The following SLCO5A1 variants were observed in gnomAD, a reference collection of about 807,000 sequenced individuals.
SLCO5A1 encodes the protein solute carrier organic anion transporter family member 5A1, also known as organic anion transporter polypeptide-related protein 4.
SLCO5A1 carries 39 observed loss-of-function variants against 65.1 expected under a neutral mutation model. The ratio of observed to expected loss-of-function variants is 0.60; its 90% confidence interval spans 0.46 to 0.78. SLCO5A1 has a LOEUF of 0.78. Among genes scored for constraint, SLCO5A1 ranks in the 30% least tolerant of loss-of-function variants. The pLI is 0.00. For synonymous variants in SLCO5A1, 438 were observed against 415.7 expected (o/e 1.05, Z -0.65); for missense variants, 1,029 against 1,069.4 (o/e 0.96, Z 0.53).
intron 2 of SLCO5A1, among the ~76,000 whole-genome samples, chr8:69,806,010 T>TA (rs1340703410): frequency 6.6e-6 from 1 of 152,220 alleles, no homozygotes; most frequent in Non-Finnish European, 1.5e-5. Context: ...TGGATGCTTT[T>TA]AAAAAATGCA....
At chr8:69,768,997 A>G (rs1296718099) in intron 2 of SLCO5A1, among the ~76,000 whole-genome samples, 1 of 152,116 alleles carries the variant, frequency 6.6e-6, no homozygotes, top group Admixed American at 6.5e-5. Flanking sequence ...CAGTCGGCAC[A>G]CTGACATCTT....
chr8:69,712,609 T>C (rs1644701156), intron 5 of SLCO5A1, among the ~76,000 whole-genome samples: 1 of 152,202 alleles, frequency 6.6e-6, no homozygotes, highest in Non-Finnish European at 1.5e-5. Context: ...GTTGCTATTG[T>C]TAAGACAACA....
intron 4 of SLCO5A1, among the ~76,000 whole-genome samples, chr8:69,745,581 T>C (rs1161397971): frequency 6.6e-6 from 1 of 152,168 alleles, no homozygotes; most frequent in Non-Finnish European, 1.5e-5. Flanking sequence ...CAAACAAACA[T>C]ACTGGCCCCT....
At chr8:69,686,496 C>A (rs1308873103) in intron 6 of SLCO5A1, among the ~76,000 whole-genome samples, 1 of 152,138 alleles carries the variant, frequency 6.6e-6, no homozygotes, top group Admixed American at 6.6e-5. Flanking sequence ...CAGCAGAACC[C>A]TATTTTTGTT....
At chr8:69,720,240 C>G (rs1815753833) in intron 5 of SLCO5A1, among the ~76,000 whole-genome samples, 1 of 152,086 alleles carries the variant, frequency 6.6e-6, no homozygotes, top group Non-Finnish European at 1.5e-5. Context: ...AATTTAACCC[C>G]AAAGATACAT....
At chr8:69,797,623 T>TGGGGG (rs530023279) in intron 2 of SLCO5A1, among the ~76,000 whole-genome samples, 1 of 152,132 alleles carries the variant, frequency 6.6e-6, no homozygotes, top group African/African-American at 2.4e-5. Context: ...GGCCACTTCG[T>TGGGGG]GGCGGGGGGT....
rs1469232758 is a variant in SLCO5A1, at chr8:69,668,711, G to A, written c.*4158C>T. The A allele has an allele frequency of 2.0e-5, 3 of 152,044 alleles. No homozygotes were observed. The highest frequency in any genetic ancestry group is 7.2e-5 in the African/African-American group (3 of 41,392). The allele number at this position is 152,044 out of a possible 1,614,324, so 9.4% of individuals were successfully genotyped here. The stretch of plus-strand genomic sequence containing the variant: ...CCAAGTGCACCAAAGAGCGCAAGCT[G>A]GAATTGTGGACTGAAGAAGAATTTT... On this transcript the variant is annotated 3_prime_UTR_variant, in exon 10 of 10. Coordinates refer to ENST00000260126, the MANE Select transcript of SLCO5A1 (RefSeq NM_030958.3).
At chr8:69,786,133 C>G (rs1819034013) in intron 2 of SLCO5A1, among the ~76,000 whole-genome samples, 1 of 152,124 alleles carries the variant, frequency 6.6e-6, no homozygotes. Context: ...AGTTAATATA[C>G]TTCTAAAAAT....
chr8:69,716,509 TA>T (rs1815546949), intron 5 of SLCO5A1, among the ~76,000 whole-genome samples: 1 of 152,218 alleles, frequency 6.6e-6, no homozygotes, highest in African/African-American at 2.4e-5. Context: ...TAGTTGATTT[TA>T]GCCATCTGAG....
Position 69,672,518 on chromosome 8 carries a change from T to G in SLCO5A1, c.*351A>C. ...TGCCAAGTCCTGGGCAAGCTCACCT[T>G]TGTTTGGAGTGTTAGTTAATGATAT... On this transcript the variant is annotated 3_prime_UTR_variant, in exon 10 of 10. Transcript: ENST00000260126. 1 of 218,936 alleles carries G rather than the reference T, an allele frequency of 4.6e-6. No individual in the cohort carries two copies. The highest frequency in any genetic ancestry group is 5.1e-5 in the Admixed American group (1 of 19,746). 13.6% of individuals were successfully genotyped at this position (218,936 alleles called of 1,614,324 possible).
intron 2 of SLCO5A1, among the ~76,000 whole-genome samples, chr8:69,816,317 C>A (rs982588632): frequency 1.2e-4 from 19 of 152,186 alleles, no homozygotes; most frequent in African/African-American, 4.6e-4. Context: ...CTCCAGAGAG[C>A]CAAAATCATC....
chr8:69,754,655 G>A (rs866147453), intron 4 of SLCO5A1, among the ~76,000 whole-genome samples: 9 of 152,150 alleles, frequency 5.9e-5, no homozygotes, highest in Admixed American at 4.6e-4. Flanking sequence ...GGGACTTATT[G>A]TCATTCAACA....
rs1156317873 is a variant in SLCO5A1, at chr8:69,738,169, T to C, written c.1294A>G (p.Met432Val). 1 of 1,613,270 alleles carries C rather than the reference T, an allele frequency of 6.2e-7. No individual in the cohort carries two copies. Among genetic ancestry groups the C allele is most frequent in the Admixed American group, 1.7e-5 (1 of 59,912 alleles). Residue 432 changes from methionine (M) to valine (V), a missense_variant, in exon 5 of 10, where the codon ATG becomes GTG. This residue lies in a region of SLCO5A1 where 647 missense variants were observed against 647.5 expected (regional missense o/e 1.00). Transcript: ENST00000260126. Reference protein sequence around the residue: ...PRAAVRILSNMTFLFVSLSYT... With the variant: ...PRAAVRILSNVTFLFVSLSYT... ...GACAAACTCACAAAAAGGAATGTCA[T>C]GTTGCTTAAGATCCTGACAGCTGCT...
intron 5 of SLCO5A1, among the ~76,000 whole-genome samples, chr8:69,724,219 T>C (rs891170117): frequency 6.6e-6 from 1 of 152,226 alleles, no homozygotes; most frequent in Non-Finnish European, 1.5e-5. Context: ...CAGTACCTAT[T>C]TCAAACAAAT....
chr8:69,703,990 G>T (rs1233631309), intron 6 of SLCO5A1, among the ~76,000 whole-genome samples: 3 of 152,204 alleles, frequency 2.0e-5, no homozygotes, highest in Admixed American at 2.0e-4. Context: ...GGGTCGACAA[G>T]TTGGTGACAT....
chr8:69,780,480 T>A (rs1397536672), intron 2 of SLCO5A1, among the ~76,000 whole-genome samples: 2 of 152,130 alleles, frequency 1.3e-5, no homozygotes, highest in African/African-American at 2.4e-5. Context: ...CCATAAAAAA[T>A]AACATTGTAT....
Position 69,755,621 on chromosome 8 carries a change from C to G in SLCO5A1, c.1061G>C (p.Cys354Ser). 1 of 1,613,250 alleles carries G rather than the reference C, an allele frequency of 6.2e-7. No individual in the cohort carries two copies. Among genetic ancestry groups the G allele is most frequent in the Non-Finnish European group, 8.5e-7 (1 of 1,179,738 alleles). ...IGNWWSGFLL[C>S]AIAMFLVIFP... ...TATCACAAGAAACATTGCAATGGCA[C>G]AAAGGAGGAATCCACTCCACCTAAA... is the stretch of plus-strand genomic sequence containing the variant. Residue 354 changes from cysteine (C) to serine (S), a missense_variant, in exon 4 of 10, where the codon TGT (cysteine) becomes TCT (serine). Cys to Ser is a moderately radical substitution (Grantham distance 112). Coordinates refer to ENST00000260126, the MANE Select transcript of SLCO5A1 (RefSeq NM_030958.3).
intron 5 of SLCO5A1, among the ~76,000 whole-genome samples, chr8:69,715,812 G>A (rs187346458): frequency 1.1e-4 from 16 of 151,872 alleles, no homozygotes; most frequent in Non-Finnish European, 2.2e-4. Context: ...TTTTTTAATT[G>A]ACAGCTTCTC....
chr8:69,789,150 G>A (rs780018590), intron 2 of SLCO5A1, among the ~76,000 whole-genome samples: 8 of 152,124 alleles, frequency 5.3e-5, no homozygotes, highest in Non-Finnish European at 1.0e-4. Flanking sequence ...ACACAACACT[G>A]TGCCTCTTGG....
Sources: gnomAD v4.1 joint callset for allele counts (sites outside exome capture counted in the v4.1 genomes callset) on GRCh38, gnomAD v4.1.1 for gene constraint, gnomAD v4.1.1 regional missense constraint, MANE v1.5 for transcripts, NCBI Gene and HGNC (gene_info 2026-07-23, HGNC 2026-07-21) for gene names.